EPB41L2: variants seen among roughly 807,000 people sequenced by gnomAD.
EPB41L2 encodes the protein erythrocyte membrane protein band 4.1 like 2.
A neutral mutation model predicts 113.0 loss-of-function variants in EPB41L2; 43 were observed. The ratio of observed to expected loss-of-function variants is 0.38; its 90% CI spans 0.30 to 0.49. The LOEUF (loss-of-function observed/expected upper bound fraction) is 0.49, where lower values mean the gene tolerates loss of function less well. Among genes scored for constraint, EPB41L2 ranks in the 20% least tolerant of loss-of-function variants. EPB41L2 has a pLI of 0.95. For synonymous variants in EPB41L2, 442 were observed against 436.7 expected (o/e 1.01, Z -0.15); for missense variants, 1,147 against 1,223.4 (o/e 0.94, Z 0.93).
At chr6:130,992,276 T>C (rs9375791) in intron 1 of EPB41L2, among the ~76,000 whole-genome samples, 62,936 of 151,932 alleles carry the variant, frequency 0.41, 13,668 homozygotes, top group East Asian at 0.79. Context: ...TTTATGTATC[T>C]ACAGTTTTGC....
chr6:130,861,344 T>C (rs1781973304), intron 18 of EPB41L2, among the ~76,000 whole-genome samples: 1 of 152,080 alleles, frequency 6.6e-6, no homozygotes, highest in South Asian at 2.1e-4. Flanking sequence ...AGTGCTGAGA[T>C]TACAGGCGTG....
chr6:130,906,803 A>G (rs1415807043), intron 5 of EPB41L2, among the ~76,000 whole-genome samples: 3 of 152,210 alleles, frequency 2.0e-5, no homozygotes, highest in African/African-American at 7.2e-5. Flanking sequence ...ATTTTAATAC[A>G]GAAAGAAAGA....
chr6:130,870,582 AAAG>A (rs1260643503), intron 14 of EPB41L2, among the ~76,000 whole-genome samples: 2 of 152,210 alleles, frequency 1.3e-5, no homozygotes, highest in African/African-American at 4.8e-5. Flanking sequence ...GCATCCTCCC[AAAG>A]AAGTAAAATG....
intron 19 of EPB41L2, among the ~76,000 whole-genome samples, chr6:130,846,712 T>C (rs1052951519): frequency 6.6e-6 from 1 of 152,208 alleles, no homozygotes; most frequent in Non-Finnish European, 1.5e-5. Flanking sequence ...CTTTTGGGAC[T>C]GGGTTGACCT....
intron 1 of EPB41L2, among the ~76,000 whole-genome samples, chr6:131,023,163 A>G (rs1789906763): frequency 6.6e-6 from 1 of 152,246 alleles, no homozygotes; most frequent in African/African-American, 2.4e-5. Flanking sequence ...TTCCTTCCAT[A>G]TAATGATATA....
chr6:131,002,060 C>T lies in EPB41L2; in HGVS notation c.-14-45561G>A, dbSNP rs144849936. ...ACATATAGATTTGTCTAGATTTAGA[C>T]TAAAGTCAAATGCAAATAAAGGTGA... On this transcript the variant is annotated intron_variant, in intron 1 of 19. Transcript: ENST00000337057. 3.4e-4 allele frequency among the ~76,000 whole-genome samples: 52 copies of T among 152,276 alleles called. 1 individual carries two copies. The highest frequency in any genetic ancestry group is 8.3e-4 in the South Asian group (4 of 4,826).
chr6:130,912,048 AC>A (rs1337623015), intron 4 of EPB41L2, among the ~76,000 whole-genome samples: 2 of 152,164 alleles, frequency 1.3e-5, no homozygotes, highest in Non-Finnish European at 2.9e-5. Context: ...TCAGAGGAGC[AC>A]AAACCCTATT....
intron 4 of EPB41L2, among the ~76,000 whole-genome samples, chr6:130,916,823 G>A (rs1208080063): frequency 2.0e-5 from 3 of 152,190 alleles, no homozygotes; most frequent in Non-Finnish European, 4.4e-5. Context: ...TGGAGCCAAC[G>A]CTGCTGGTCC....
chr6:131,040,506 A>T (rs899723872), intron 1 of EPB41L2, among the ~76,000 whole-genome samples: 1 of 152,152 alleles, frequency 6.6e-6, no homozygotes. Context: ...TAAAAATCCC[A>T]TTTTATCACC....
chr6:130,855,577 A>G (rs906095238), intron 19 of EPB41L2, among the ~76,000 whole-genome samples: 1 of 152,210 alleles, frequency 6.6e-6, no homozygotes, highest in African/African-American at 2.4e-5. Context: ...AGAAAAGTCA[A>G]CTGTATCTCT....
chr6:131,026,600 T>C (rs1163473272), intron 1 of EPB41L2, among the ~76,000 whole-genome samples: 1 of 152,204 alleles, frequency 6.6e-6, no homozygotes, highest in Non-Finnish European at 1.5e-5. Context: ...TAAATGTCAC[T>C]TTATGAGGGT....
At chr6:131,027,963 T>C (rs1011161401) in intron 1 of EPB41L2, among the ~76,000 whole-genome samples, 1 of 152,186 alleles carries the variant, frequency 6.6e-6, no homozygotes, top group Non-Finnish European at 1.5e-5. Flanking sequence ...GCCGAGATCA[T>C]TTCAAAAGAC....
chr6:131,045,682 T>G (rs1795307148), intron 1 of EPB41L2, among the ~76,000 whole-genome samples: 1 of 152,168 alleles, frequency 6.6e-6, no homozygotes, highest in Non-Finnish European at 1.5e-5. Flanking sequence ...TTCAGCCCAT[T>G]TTGTAGCTAA....
chr6:130,885,229 A>C lies in EPB41L2; in HGVS notation c.1700T>G (p.Phe567Cys), dbSNP rs1384286798. Residue 567 changes from phenylalanine (F) to cysteine (C), a missense_variant, in exon 12 of 20, where the codon TTT becomes TGT. By Grantham distance (205) the Phe-to-Cys change is radical. Transcript: ENST00000337057. The stretch of plus-strand genomic sequence containing the variant: ...TGAAATCTCCCCAGCAGCGCCAGGA[A>C]AATCCTTCATAAGACTTTGGTCCAT... ...GVMDQSLMKD[F>C]PGAAGEISAY... 6.2e-7 allele frequency: 1 copy of C among 1,614,004 alleles called. No individual in the cohort carries two copies. Among genetic ancestry groups the C allele is most frequent in the Non-Finnish European group, 8.5e-7 (1 of 1,180,014 alleles).
chr6:130,878,538 T>C (rs1788284414), intron 13 of EPB41L2: 2 of 280,584 alleles, frequency 7.1e-6, no homozygotes, highest in East Asian at 9.4e-5. Flanking sequence ...ATTATTTACA[T>C]TATCAGAAAG....
intron 1 of EPB41L2, among the ~76,000 whole-genome samples, chr6:131,026,403 A>G (rs1301600448): frequency 1.3e-5 from 2 of 152,086 alleles, no homozygotes; most frequent in Non-Finnish European, 2.9e-5. Context: ...ATACCCTCCC[A>G]TCTCCTCTAA....
At chr6:130,926,492 G>A in intron 4 of EPB41L2, 113 bp downstream of exon 4, 1 of 762,610 alleles carries the variant, frequency 1.3e-6, no homozygotes, top group Non-Finnish European at 2.2e-6. Flanking sequence ...TCACAGTGAA[G>A]TCATAATAAA....
intron 4 of EPB41L2, among the ~76,000 whole-genome samples, chr6:130,912,303 TATTAGTACACAGAAAATAACCTGCTG>T (rs1278540680): frequency 6.6e-6 from 1 of 152,180 alleles, no homozygotes; most frequent in African/African-American, 2.4e-5. Flanking sequence ...TTAAAATGCT[TATTAGTACACAGAAAATAACCTGCTG>T]TCTTAATACC....
In EPB41L2 at chr6:130,889,108, C is replaced by T. The variant is rs3777443; in HGVS notation, c.1660+1186G>A. On this transcript the variant is annotated intron_variant, in intron 11 of 19. Coordinates refer to ENST00000337057, the MANE Select transcript of EPB41L2 (RefSeq NM_001431.4). ...ATATATTTCAGAAAAATACAATAGA[C>T]AAGAAAAAATGTTTCTGCTAATAAC... Among the ~76,000 whole-genome samples the T allele has an allele frequency of 0.011, 1,695 of 151,700 alleles. 171 individuals carry two copies. The East Asian group carries it at 0.26, about 23-fold the overall frequency.
Sources: gnomAD v4.1 joint callset for allele counts (sites outside exome capture counted in the v4.1 genomes callset) on GRCh38, gnomAD v4.1.1 for gene constraint, MANE v1.5 for transcripts, NCBI Gene and HGNC (gene_info 2026-07-23, HGNC 2026-07-21) for gene names.